CPAMD8: variants seen among roughly 807,000 people sequenced by gnomAD.
The protein encoded by CPAMD8 is C3 and PZP-like alpha-2-macroglobulin domain-containing protein 8.
In CPAMD8, 146 loss-of-function variants were observed where a neutral mutation model predicts 224.7. The ratio of observed to expected loss-of-function variants is 0.65; its 90% CI spans 0.57 to 0.75. The LOEUF (loss-of-function observed/expected upper bound fraction) is 0.75, where lower values mean the gene tolerates loss of function less well. Among genes scored for constraint, CPAMD8 ranks in the 30% least tolerant of loss-of-function variants. CPAMD8 has a pLI of 0.00. For synonymous variants in CPAMD8, 966 were observed against 1,044.6 expected (o/e 0.92, Z 1.45); for missense variants, 2,301 against 2,537.5 (o/e 0.91, Z 2.00).
chr19:16,980,766 C>T, intron 13 of CPAMD8, 80 bp from the exon 14 acceptor site: 1 of 1,202,254 alleles, frequency 8.3e-7, no homozygotes, highest in East Asian at 2.7e-5. Context: ...CATTCTGGGG[C>T]CAGAGGGAGG....
At chr19:16,942,442 A>G (rs1204055889) in intron 22 of CPAMD8, among the ~76,000 whole-genome samples, 1 of 152,188 alleles carries the variant, frequency 6.6e-6, no homozygotes, top group East Asian at 1.9e-4. Flanking sequence ...AGCCTGGGCG[A>G]CAGAGTGAGA....
intron 10 of CPAMD8, 154 bp downstream of exon 10, chr19:17,000,260 C>A (rs1363711735): frequency 1.8e-6 from 1 of 546,078 alleles, no homozygotes; most frequent in African/African-American, 1.9e-5. Context: ...TCAAGACAAG[C>A]CTGGGCAACA....
intron 10 of CPAMD8, among the ~76,000 whole-genome samples, chr19:16,998,389 G>A (rs959959718): frequency 2.0e-5 from 3 of 152,222 alleles, no homozygotes; most frequent in Admixed American, 6.5e-5. Context: ...GAACCCAGGA[G>A]GCAGAGGCTG....
At chr19:16,906,162 A>C (rs1390692817) in intron 30 of CPAMD8, among the ~76,000 whole-genome samples, 1 of 152,126 alleles carries the variant, frequency 6.6e-6, no homozygotes, top group Non-Finnish European at 1.5e-5. Flanking sequence ...TGGACAAGCC[A>C]CTTCCTCAAA....
At chr19:16,984,190 C>T (rs746638236) in intron 13 of CPAMD8, among the ~76,000 whole-genome samples, 5 of 151,810 alleles carry the variant, frequency 3.3e-5, no homozygotes, top group Non-Finnish European at 7.4e-5. Context: ...TGGCTCACAC[C>T]TGCAATCTCA....
chr19:16,906,966 A>G lies in CPAMD8; in HGVS notation c.4013T>C (p.Leu1338Pro). 1 of 1,590,306 alleles carries G rather than the reference A, an allele frequency of 6.3e-7. No homozygotes were observed. The highest frequency in any genetic ancestry group is 8.5e-7 in the Non-Finnish European group (1 of 1,169,888). Reference protein sequence around the residue: ...APEALRKLRSLAIMRDGVTHW... With the variant: ...APEALRKLRSPAIMRDGVTHW... ...GGGACACCTACCTCGCATGATGGCC[A>G]GGCTACGGAGCTTGCGCAGTGCCTC... The change falls in exon 30 of 42, where the codon CTG (leucine) becomes CCG (proline). Residue 1338 changes from leucine to proline, a missense_variant. By Grantham distance (98) the Leu-to-Pro change is moderately conservative. This residue lies in a region of CPAMD8 where 1,709 missense variants were observed against 1,753.2 expected (regional missense o/e 0.97). Coordinates refer to ENST00000443236, the MANE Select transcript of CPAMD8 (RefSeq NM_015692.5).
At chr19:16,994,610 T>A (rs1047633764) in intron 11 of CPAMD8, among the ~76,000 whole-genome samples, 1 of 138,494 alleles carries the variant, frequency 7.2e-6, no homozygotes, top group African/African-American at 2.7e-5. Flanking sequence ...TGCCTCTACC[T>A]CCTGGGCTCG....
chr19:16,945,536 G>C lies in CPAMD8; in HGVS notation c.2793+13C>G, dbSNP rs1316193323. On this transcript the variant is annotated intron_variant, in intron 22 of 41. Transcript: ENST00000443236. The stretch of plus-strand genomic sequence containing the variant: ...GCCCTGGCTAAGCACCAGAGATGAG[G>C]ACACGGCCTTACCTCAACCATCACA... The C allele has an allele frequency of 1.2e-6, 2 of 1,613,356 alleles. No homozygotes were observed. The highest frequency in any genetic ancestry group is 1.7e-6 in the Non-Finnish European group (2 of 1,179,548).
At position 16,898,139 on chromosome 19, in the gene CPAMD8, C is replaced by CTT; in HGVS notation, c.4849-147_4849-146dup. The CTT allele has an allele frequency of 5.1e-6, 3 of 584,972 alleles. No homozygotes were observed. Among genetic ancestry groups the CTT allele is most frequent in the Admixed American group, 3.3e-5 (1 of 30,392 alleles). 36.2% of individuals were successfully genotyped at this position (584,972 alleles called of 1,614,324 possible). ...GATCCCATTTTCTTTTTTTCTTTTA[C>CTT]TTTTCTTTTTTTTTTTTTTTCCTGA... On this transcript the variant is annotated intron_variant, in intron 37 of 41. Coordinates refer to ENST00000443236, the MANE Select transcript of CPAMD8 (RefSeq NM_015692.5). The surrounding 1 kb of genome is among the most constrained non-coding windows in gnomAD (Gnocchi z 4.2).
intron 41 of CPAMD8, chr19:16,895,479 A>T (rs1036126506): frequency 1.1e-5 from 2 of 185,390 alleles, no homozygotes; most frequent in African/African-American, 4.7e-5. Context: ...AAAATAACAA[A>T]ATTACAGACG....
chr19:17,000,663 G>C, intron 9 of CPAMD8, 141 bp from the exon 10 acceptor site: 2 of 547,074 alleles, frequency 3.7e-6, no homozygotes, highest in Non-Finnish European at 6.6e-6. Flanking sequence ...ATCCTGTCCT[G>C]ACAGCCCTCC....
At chr19:16,973,910 A>AC (rs2055158756) in intron 17 of CPAMD8, among the ~76,000 whole-genome samples, 2 of 143,726 alleles carry the variant, frequency 1.4e-5, no homozygotes, top group Non-Finnish European at 3.0e-5. Flanking sequence ...GCTCACTGCA[A>AC]CCTCCACCTC....
chr19:16,936,821 G>A (rs1210194620), intron 23 of CPAMD8, among the ~76,000 whole-genome samples: 1 of 152,178 alleles, frequency 6.6e-6, no homozygotes, highest in East Asian at 1.9e-4. Flanking sequence ...CTCCCAGTCT[G>A]TAGACTGTAG....
chr19:17,011,909 G>A, intron 3 of CPAMD8, 152 bp from the exon 4 acceptor site: 1 of 850,750 alleles, frequency 1.2e-6, no homozygotes, highest in Non-Finnish European at 1.8e-6. Context: ...GAGATGTTTT[G>A]GGGTGTCATA....
At chr19:16,976,966 C>T (rs185934816) in intron 15 of CPAMD8, among the ~76,000 whole-genome samples, 3 of 151,968 alleles carry the variant, frequency 2.0e-5, no homozygotes, top group Admixed American at 6.6e-5. Context: ...TGCTTGAACC[C>T]GGGAGGCAGA....
intron 19 of CPAMD8, among the ~76,000 whole-genome samples, chr19:16,954,283 A>G (rs375823110): frequency 1.1e-3 from 162 of 151,426 alleles, no homozygotes; most frequent in African/African-American, 3.9e-3. Flanking sequence ...CAGTGAGCTG[A>G]GATTGCACCA....
At chr19:16,964,586 T>G (rs1298369386) in intron 18 of CPAMD8, among the ~76,000 whole-genome samples, 2 of 152,032 alleles carry the variant, frequency 1.3e-5, no homozygotes, top group African/African-American at 2.4e-5. Context: ...ACCAGAAGGA[T>G]TCACAGCTGA....
Position 16,903,837 on chromosome 19 carries a change from C to T in CPAMD8, c.4272G>A (p.Gln1424=). The T allele has an allele frequency of 1.2e-6, 2 of 1,613,902 alleles. No individual in the cohort carries two copies. Among genetic ancestry groups the T allele is most frequent in the Non-Finnish European group, 8.5e-7 (1 of 1,180,024 alleles). The change falls in exon 33 of 42, where the codon CAG becomes CAA. Residue 1424 remains glutamine, a synonymous_variant. Coordinates refer to ENST00000443236, the MANE Select transcript of CPAMD8 (RefSeq NM_015692.5). ...SSTQDTCVAL[Q]ALAEYAILSY... is the part of the protein sequence containing the mutation. ...ACAAGATGGCATATTCAGCCAAGGC[C>T]TGCAGAGCCACGCAGGTGTCCTGGG...
chr19:16,978,230 C>T (rs1334555910), intron 14 of CPAMD8, among the ~76,000 whole-genome samples: 1 of 151,972 alleles, frequency 6.6e-6, no homozygotes, highest in East Asian at 1.9e-4. Flanking sequence ...GAAGTGGGTA[C>T]CCAATCGGCC....
Sources: allele counts gnomAD v4.1 joint callset (sites outside exome capture counted in the v4.1 genomes callset), GRCh38; gene constraint gnomAD v4.1.1; regional missense constraint gnomAD v4.1.1; non-coding constraint Gnocchi (gnomAD v3.1); transcripts MANE v1.5; gene names NCBI Gene and HGNC (gene_info 2026-07-23, HGNC 2026-07-21).